COG6: variants seen among roughly 807,000 people sequenced by gnomAD.
COG6 encodes the protein conserved oligomeric Golgi complex subunit 6.
In COG6, 74 loss-of-function variants were observed where a neutral mutation model predicts 88.8. The observed-to-expected ratio is 0.83, with a 90% CI of 0.69 to 1.01. COG6 has a LOEUF of 1.01. Among genes scored for constraint, COG6 ranks in the 50% least tolerant of loss-of-function variants. The probability of loss-of-function intolerance (pLI) is 0.00; values close to 1 mark genes in which losing one functional copy is unlikely to be tolerated. For synonymous variants in COG6, 286 were observed against 278.7 expected (o/e 1.03, Z -0.26); for missense variants, 800 against 797.9 (o/e 1.00, Z -0.03).
At chr13:39,684,741 A>G (rs1350200069) in intron 8 of COG6, among the ~76,000 whole-genome samples, 5 of 152,184 alleles carry the variant, frequency 3.3e-5, no homozygotes, top group Non-Finnish European at 5.9e-5. Context: ...AGATGGCACT[A>G]TATGAACTTA....
chr13:39,747,894 A>G (rs563227019), intron 18 of COG6, among the ~76,000 whole-genome samples: 18 of 152,342 alleles, frequency 1.2e-4, no homozygotes, highest in African/African-American at 4.1e-4. Flanking sequence ...TTACAAGTTA[A>G]ATACTACATT....
At chr13:39,780,449 G>A (rs1308457956) in intron 18 of COG6, among the ~76,000 whole-genome samples, 1 of 152,146 alleles carries the variant, frequency 6.6e-6, no homozygotes, top group Non-Finnish European at 1.5e-5. Flanking sequence ...GACAATGTCT[G>A]GGGTGAAGTA....
intron 8 of COG6, 52 bp from the exon 9 acceptor site, chr13:39,687,451 A>G: frequency 1.3e-6 from 2 of 1,540,612 alleles, no homozygotes; most frequent in South Asian, 2.2e-5. Context: ...ATAGTCTGAT[A>G]TAGCCACTAG....
At chr13:39,656,992 A>T (rs932111425) in intron 1 of COG6, 25 of 420,614 alleles carry the variant, frequency 5.9e-5, no homozygotes, top group African/African-American at 5.0e-4. Context: ...ATTGATATTT[A>T]TTATATCATT....
chr13:39,698,640 T>C (rs535409048), intron 12 of COG6, among the ~76,000 whole-genome samples: 1 of 152,056 alleles, frequency 6.6e-6, no homozygotes, highest in East Asian at 1.9e-4. Context: ...TAGCTTACTG[T>C]TTAGTAGTAT....
At chr13:39,703,432 G>A (rs1192090281) in intron 13 of COG6, among the ~76,000 whole-genome samples, 1 of 151,994 alleles carries the variant, frequency 6.6e-6, no homozygotes, top group Non-Finnish European at 1.5e-5. Context: ...GGGTTGTCTT[G>A]TTCATTTCTG....
intron 4 of COG6, among the ~76,000 whole-genome samples, chr13:39,676,093 A>C (rs1340149474): frequency 6.6e-6 from 1 of 152,114 alleles, no homozygotes; most frequent in African/African-American, 2.4e-5. Flanking sequence ...TATTTGCTGT[A>C]GTCACCCTAG....
chr13:39,764,007 G>A (rs7319128), intron 18 of COG6, among the ~76,000 whole-genome samples: 63,053 of 151,566 alleles, frequency 0.42, 13,474 homozygotes, highest in Admixed American at 0.56. Flanking sequence ...GTTTAGAAGA[G>A]TTTCAAGTAG....
chr13:39,787,870 T>C (rs1290883825), intron 18 of COG6, among the ~76,000 whole-genome samples: 1 of 152,210 alleles, frequency 6.6e-6, no homozygotes, highest in Non-Finnish European at 1.5e-5. Flanking sequence ...ACTATACCAT[T>C]TTATATCAGT....
intron 13 of COG6, among the ~76,000 whole-genome samples, chr13:39,709,192 T>C (rs1013622492): frequency 2.6e-5 from 4 of 152,308 alleles, no homozygotes; most frequent in Admixed American, 2.6e-4. Flanking sequence ...ACATAGTCAC[T>C]AAGGGTGAAT....
intron 13 of COG6, among the ~76,000 whole-genome samples, chr13:39,712,640 A>G (rs896665195): frequency 6.6e-6 from 1 of 152,212 alleles, no homozygotes. Flanking sequence ...TCATTTTAGT[A>G]GCCTTGTACT....
At chr13:39,679,050 C>T (rs1312776324) in intron 5 of COG6, among the ~76,000 whole-genome samples, 1 of 152,118 alleles carries the variant, frequency 6.6e-6, no homozygotes, top group African/African-American at 2.4e-5. Context: ...TATCAATCAA[C>T]AGTTTGGCAT....
chr13:39,683,814 C>T (rs988068607), intron 8 of COG6, among the ~76,000 whole-genome samples: 9 of 151,524 alleles, frequency 5.9e-5, no homozygotes, highest in African/African-American at 2.2e-4. Flanking sequence ...TTCTGCCATG[C>T]AAATAAATTT....
chr13:39,721,295 A>G (rs977237880), intron 15 of COG6, among the ~76,000 whole-genome samples: 2 of 152,060 alleles, frequency 1.3e-5, no homozygotes, highest in Non-Finnish European at 2.9e-5. Context: ...AGTTTATTCA[A>G]GTTATCTATG....
chr13:39,693,926 G>T (rs1382171119), intron 11 of COG6, among the ~76,000 whole-genome samples: 1 of 151,952 alleles, frequency 6.6e-6, no homozygotes, highest in East Asian at 1.9e-4. Context: ...AAAGCAAGAA[G>T]ATAGAATGTA....
At chr13:39,750,681 C>CCAAT (rs1005538567) in intron 18 of COG6, among the ~76,000 whole-genome samples, 20 of 152,202 alleles carry the variant, frequency 1.3e-4, no homozygotes, top group African/African-American at 4.8e-4. Flanking sequence ...ATATAGCAGT[C>CCAAT]CAATATATAT....
intron 18 of COG6, among the ~76,000 whole-genome samples, chr13:39,763,852 G>C (rs1005192239): frequency 2.6e-5 from 4 of 151,772 alleles, no homozygotes; most frequent in South Asian, 2.1e-4. Flanking sequence ...TTGTTCATGA[G>C]AAAGATTGCC....
intron 18 of COG6, among the ~76,000 whole-genome samples, chr13:39,777,837 G>C (rs1332649830): frequency 6.6e-6 from 1 of 152,198 alleles, no homozygotes; most frequent in African/African-American, 2.4e-5. Flanking sequence ...GTGGGGTTAT[G>C]TCAAATAATG....
At chr13:39,727,609 A>AT (rs1379664897) in intron 18 of COG6, 61 bp downstream of exon 18, 13 of 1,211,198 alleles carry the variant, frequency 1.1e-5, no homozygotes, top group Admixed American at 1.7e-5. Flanking sequence ...TATCAAGTAC[A>AT]TTTTTTTGGA....
Sources: allele counts gnomAD v4.1 joint callset (sites outside exome capture counted in the v4.1 genomes callset), GRCh38; gene constraint gnomAD v4.1.1; transcripts MANE v1.5; gene names NCBI Gene and HGNC (gene_info 2026-07-23, HGNC 2026-07-21).